PPFIA2: variants seen among roughly 807,000 people sequenced by gnomAD.
The protein encoded by PPFIA2 is liprin-alpha-2.
Under a neutral mutation model 175.5 loss-of-function variants are expected in PPFIA2, and 46 were observed. The ratio of observed to expected loss-of-function variants is 0.26; its 90% CI spans 0.21 to 0.34. PPFIA2 has a LOEUF of 0.34. PPFIA2 is among the 10% of genes least tolerant of loss of function. The probability of loss-of-function intolerance (pLI) is 1.00; values close to 1 mark genes in which losing one functional copy is unlikely to be tolerated. For missense variants in PPFIA2, 1,179 were observed against 1,506.1 expected (o/e 0.78, Z 3.60); for synonymous variants, 568 against 511.4 (o/e 1.11, Z -1.49).
chr12:81,634,185 T>C (rs751718560), intron 4 of PPFIA2, among the ~76,000 whole-genome samples: 32 of 152,114 alleles, frequency 2.1e-4, no homozygotes, highest in Admixed American at 3.9e-4. Flanking sequence ...CTCTGTATAA[T>C]TGGTTAGTTT....
intron 24 of PPFIA2, among the ~76,000 whole-genome samples, chr12:81,289,887 T>A (rs1364459925): frequency 6.6e-6 from 1 of 151,744 alleles, no homozygotes; most frequent in East Asian, 1.9e-4. Context: ...TCCATCTCTA[T>A]CCTACTAGGT....
intron 4 of PPFIA2, among the ~76,000 whole-genome samples, chr12:81,601,817 A>G (rs1368729307): frequency 1.3e-5 from 2 of 151,932 alleles, no homozygotes; most frequent in Admixed American, 1.3e-4. Context: ...ATATTTTAAG[A>G]GATTTAAATT....
At chr12:81,755,365 T>C (rs2084476551) in intron 2 of PPFIA2, among the ~76,000 whole-genome samples, 1 of 152,154 alleles carries the variant, frequency 6.6e-6, no homozygotes, top group South Asian at 2.1e-4. Context: ...ATTAATTAGA[T>C]GGCTTGGTTT....
intron 4 of PPFIA2, among the ~76,000 whole-genome samples, chr12:81,535,756 T>A (rs978130360): frequency 6.6e-6 from 1 of 151,678 alleles, no homozygotes; most frequent in Non-Finnish European, 1.5e-5. Context: ...CAAGAAGATA[T>A]TCATCATAGA....
chr12:81,330,185 G>A (rs573179695), intron 21 of PPFIA2, among the ~76,000 whole-genome samples: 4 of 152,010 alleles, frequency 2.6e-5, no homozygotes, highest in Non-Finnish European at 5.9e-5. Flanking sequence ...TCCTACGCAC[G>A]ATAGCAACAA....
chr12:81,572,839 G>A (rs565281945), intron 4 of PPFIA2, among the ~76,000 whole-genome samples: 4 of 151,998 alleles, frequency 2.6e-5, no homozygotes, highest in Non-Finnish European at 5.9e-5. Flanking sequence ...TTGTGTGTGT[G>A]TGTGTTCAGA....
At chr12:81,732,681 A>C (rs2081076507) in intron 3 of PPFIA2, among the ~76,000 whole-genome samples, 1 of 151,584 alleles carries the variant, frequency 6.6e-6, no homozygotes, top group African/African-American at 2.4e-5. Context: ...GGAAATAAAA[A>C]ATTAATGACA....
At chr12:81,374,330 TTTTG>T (rs2035879100) in intron 11 of PPFIA2, among the ~76,000 whole-genome samples, 1 of 152,086 alleles carries the variant, frequency 6.6e-6, no homozygotes, top group Non-Finnish European at 1.5e-5. Flanking sequence ...ACATTATCTT[TTTTG>T]TTTATCTCCA....
At chr12:81,417,390 C>T (rs908800608) in intron 7 of PPFIA2, 6 of 92,486 alleles carry the variant, frequency 6.5e-5, no homozygotes, top group East Asian at 6.6e-4. Context: ...GCAAATGTGT[C>T]GAAATTATAG....
intron 4 of PPFIA2, among the ~76,000 whole-genome samples, chr12:81,494,353 T>C (rs941188535): frequency 2.6e-5 from 4 of 152,142 alleles, no homozygotes; most frequent in African/African-American, 9.7e-5. Context: ...ATGCTCACCA[T>C]CACTGGCCAT....
intron 4 of PPFIA2, among the ~76,000 whole-genome samples, chr12:81,627,551 C>T (rs2062860769): frequency 6.6e-6 from 1 of 152,094 alleles, no homozygotes; most frequent in Non-Finnish European, 1.5e-5. Context: ...TCCCGTGTCA[C>T]ACATGGGATA....
Position 81,259,645 on chromosome 12 carries a change from A to C in PPFIA2, c.*49T>G. The C allele has an allele frequency of 1.3e-6, 2 of 1,534,604 alleles. No individual in the cohort carries two copies. Among genetic ancestry groups the C allele is most frequent in the Non-Finnish European group, 1.7e-6 (2 of 1,145,738 alleles). ...TGGTAGTGCACTTTAGGTAGAGTAG[A>C]CTGAAAAGACGCCATCTAAAATATA... is the stretch of plus-strand genomic sequence containing the variant. On this transcript the variant is annotated 3_prime_UTR_variant, in exon 33 of 33. Coordinates refer to ENST00000549396, the MANE Select transcript of PPFIA2 (RefSeq NM_003625.5).
At chr12:81,507,717 CT>C (rs2061330311) in intron 4 of PPFIA2, among the ~76,000 whole-genome samples, 1 of 152,154 alleles carries the variant, frequency 6.6e-6, no homozygotes, top group African/African-American at 2.4e-5. Flanking sequence ...TCCCTGTCTC[CT>C]TTAGTCTACG....
intron 23 of PPFIA2, among the ~76,000 whole-genome samples, chr12:81,296,255 G>C (rs1295915155): frequency 6.6e-6 from 1 of 152,188 alleles, no homozygotes; most frequent in Non-Finnish European, 1.5e-5. Flanking sequence ...GGAGGCAGAG[G>C]TTGCAGTGAG....
chr12:81,566,729 T>G (rs1007301960), intron 4 of PPFIA2, among the ~76,000 whole-genome samples: 1 of 152,124 alleles, frequency 6.6e-6, no homozygotes, highest in African/African-American at 2.4e-5. Context: ...TGGATTCCTG[T>G]AAGATTTCAG....
intron 4 of PPFIA2, among the ~76,000 whole-genome samples, chr12:81,672,268 A>T (rs2071566487): frequency 6.6e-6 from 1 of 152,050 alleles, no homozygotes; most frequent in Admixed American, 6.6e-5. Context: ...AAATGAGTAG[A>T]ACATTGTCAC....
chr12:81,347,770 C>T lies in PPFIA2; in HGVS notation c.1995G>A (p.Arg665=), dbSNP rs2059311204. ...TAGATTCTTTTTCTTCCTGAATTAG[C>T]CTGAAAGATACAGTTTAATTATGAT... ...EQLDAINKEI[R]LIQEEKESTE... Residue 665 remains arginine, a splice_region_variant and synonymous_variant, in exon 18 of 33, where the codon AGG becomes AGA. Coordinates refer to ENST00000549396, the MANE Select transcript of PPFIA2 (RefSeq NM_003625.5). 6.2e-7 allele frequency: 1 copy of T among 1,613,288 alleles called. No homozygotes were observed. The highest frequency in any genetic ancestry group is 1.7e-5 in the Admixed American group (1 of 59,864).
chr12:81,599,093 C>T (rs1311508325), intron 4 of PPFIA2, among the ~76,000 whole-genome samples: 1 of 151,784 alleles, frequency 6.6e-6, no homozygotes, highest in Non-Finnish European at 1.5e-5. Context: ...TCAATTTGTA[C>T]AAAAGATCAT....
At chr12:81,621,813 G>C (rs1391883995) in intron 4 of PPFIA2, among the ~76,000 whole-genome samples, 1 of 152,198 alleles carries the variant, frequency 6.6e-6, no homozygotes, top group Non-Finnish European at 1.5e-5. Flanking sequence ...TGTTGAGTTT[G>C]AGATATCCTT....
Sources: allele counts gnomAD v4.1 joint callset (sites outside exome capture counted in the v4.1 genomes callset), GRCh38; gene constraint gnomAD v4.1.1; transcripts MANE v1.5; gene names NCBI Gene and HGNC (gene_info 2026-07-23, HGNC 2026-07-21).